Variants in CCDC191 observed in about 807,000 individuals in gnomAD.
CCDC191 encodes the protein coiled-coil domain containing 191, also known as coiled-coil domain-containing protein 191.
A neutral mutation model predicts 114.0 loss-of-function variants in CCDC191; 99 were observed. The ratio of observed to expected loss-of-function variants is 0.87; its 90% CI spans 0.74 to 1.03. CCDC191 has a LOEUF of 1.03. Ranked by LOEUF, CCDC191 falls within the 50% of genes least tolerant of loss-of-function variation. The probability of loss-of-function intolerance (pLI) is 0.00; values close to 1 mark genes in which losing one functional copy is unlikely to be tolerated. For missense variants in CCDC191, 973 were observed against 1,087.0 expected, an observed-to-expected ratio of 0.90 and a Z score of 1.47; for synonymous variants, 351 against 376.0, an observed-to-expected ratio of 0.93 and a Z score of 0.77.
chr3:113,994,476 A>G (rs1490998057), intron 13 of CCDC191, among the ~76,000 whole-genome samples: 1 of 152,152 alleles, frequency 6.6e-6, no homozygotes, highest in Non-Finnish European at 1.5e-5. Context: ...TTGGAATAGA[A>G]TTTGGCAATT....
intron 16 of CCDC191, among the ~76,000 whole-genome samples, chr3:113,965,809 G>C (rs571837612): frequency 1.1e-4 from 16 of 152,166 alleles, no homozygotes; most frequent in Admixed American, 9.8e-4. Context: ...TGGCCAGGCT[G>C]GTCTTGAACT....
chr3:113,967,130 G>A (rs548997043), intron 16 of CCDC191, among the ~76,000 whole-genome samples: 1 of 151,870 alleles, frequency 6.6e-6, no homozygotes, highest in African/African-American at 2.4e-5. Flanking sequence ...AAAGAAAAAG[G>A]CTCCAAGGAA....
At chr3:114,028,738 CAAT>C (rs1398458482) in intron 7 of CCDC191, among the ~76,000 whole-genome samples, 2 of 150,704 alleles carry the variant, frequency 1.3e-5, no homozygotes, top group Non-Finnish European at 3.0e-5. Context: ...TTATCCTTGA[CAAT>C]ATTATTATAA....
intron 9 of CCDC191, 80 bp downstream of exon 9, chr3:114,010,692 A>C: frequency 6.4e-6 from 9 of 1,410,418 alleles, no homozygotes; most frequent in Non-Finnish European, 8.7e-6. Flanking sequence ...AGACAAAGCA[A>C]TCTGACAATG....
intron 7 of CCDC191, among the ~76,000 whole-genome samples, chr3:114,023,694 C>T (rs1286405416): frequency 6.6e-6 from 1 of 152,118 alleles, no homozygotes; most frequent in Non-Finnish European, 1.5e-5. Context: ...ACACCTTATA[C>T]AAAAATTAAT....
chr3:113,978,566 T>C, intron 15 of CCDC191: 1 of 592,902 alleles, frequency 1.7e-6, no homozygotes, highest in East Asian at 2.8e-5. Flanking sequence ...AGTTTCTAAA[T>C]CACTTGAGCA....
At chr3:113,968,108 T>C (rs1196822386) in intron 16 of CCDC191, among the ~76,000 whole-genome samples, 1 of 152,220 alleles carries the variant, frequency 6.6e-6, no homozygotes, top group African/African-American at 2.4e-5. Context: ...CATGCAAATA[T>C]CTCTTGGATG....
At chr3:113,971,534 G>C (rs1235434478) in intron 16 of CCDC191, among the ~76,000 whole-genome samples, 1 of 152,160 alleles carries the variant, frequency 6.6e-6, no homozygotes, top group African/African-American at 2.4e-5. Flanking sequence ...AATCCCACTT[G>C]ATCATGGTGA....
intron 6 of CCDC191, among the ~76,000 whole-genome samples, chr3:114,034,355 T>C (rs992658516): frequency 1.3e-5 from 2 of 152,172 alleles, no homozygotes; most frequent in African/African-American, 2.4e-5. Flanking sequence ...GAGAAGAGTA[T>C]GATAAACTGG....
At chr3:113,970,298 C>T (rs1940667204) in intron 16 of CCDC191, among the ~76,000 whole-genome samples, 1 of 152,052 alleles carries the variant, frequency 6.6e-6, no homozygotes, top group Admixed American at 6.6e-5. Context: ...CATCCGTAAA[C>T]AAGGCTAATT....
At chr3:114,007,431 T>C (rs2075990465) in intron 9 of CCDC191, among the ~76,000 whole-genome samples, 1 of 152,236 alleles carries the variant, frequency 6.6e-6, no homozygotes, top group African/African-American at 2.4e-5. Context: ...TCTGACATGT[T>C]AAACACTTTT....
At chr3:114,002,357 T>C (rs984192051) in intron 12 of CCDC191, 99 bp downstream of exon 12, 11 of 801,240 alleles carry the variant, frequency 1.4e-5, no homozygotes, top group Middle Eastern at 3.0e-4. Context: ...GATGTAACTC[T>C]ATTGTCTCAG....
intron 16 of CCDC191, among the ~76,000 whole-genome samples, chr3:113,967,256 ATC>A (rs1399105662): frequency 6.6e-6 from 1 of 152,104 alleles, no homozygotes; most frequent in African/African-American, 2.4e-5. Flanking sequence ...AGCCATTCAC[ATC>A]TCTCTTTTGG....
chr3:113,998,897 T>C (rs1278174383), intron 13 of CCDC191, among the ~76,000 whole-genome samples: 3 of 152,194 alleles, frequency 2.0e-5, no homozygotes, highest in Non-Finnish European at 2.9e-5. Flanking sequence ...AGAACTCACT[T>C]CACAGCAAAG....
chr3:114,031,251 CACAATGGTCCTT>C (rs976009870), intron 7 of CCDC191, among the ~76,000 whole-genome samples: 2 of 152,176 alleles, frequency 1.3e-5, no homozygotes, highest in South Asian at 2.1e-4. Context: ...TAATCCAGAA[CACAATGGTCCTT>C]ACAACTGTCA....
At chr3:114,010,161 A>C (rs1379946761) in intron 9 of CCDC191, among the ~76,000 whole-genome samples, 2 of 152,160 alleles carry the variant, frequency 1.3e-5, no homozygotes, top group East Asian at 3.8e-4. Context: ...GGAAAAAAAA[A>C]CATGGCCTTC....
intron 7 of CCDC191, among the ~76,000 whole-genome samples, chr3:114,030,097 A>G (rs2076383262): frequency 6.6e-6 from 1 of 152,170 alleles, no homozygotes; most frequent in Admixed American, 6.5e-5. Flanking sequence ...CTTATGTAAA[A>G]TGTTAACATT....
Position 114,010,786 on chromosome 3 carries a change from C to G in CCDC191, c.1399G>C (p.Val467Leu). 1.2e-6 allele frequency: 2 copies of G among 1,609,470 alleles called. No homozygotes were observed. The highest frequency in any genetic ancestry group is 1.1e-5 in the South Asian group (1 of 90,772). Residue 467 changes from valine to leucine, a missense_variant, in exon 9 of 17, where the codon GTA becomes CTA. By Grantham distance (32) the Val-to-Leu change is conservative. Transcript: ENST00000295878. ...EEATAMVGPP[V>L]KNGQETAVPP... ...AAACAACGTACCTGTCCATTTTTTA[C>G]TGGTGGACCCACCATGGCTGTTGCC...
At chr3:114,037,411 AT>A (rs1238925600) in intron 4 of CCDC191, among the ~76,000 whole-genome samples, 2 of 152,068 alleles carry the variant, frequency 1.3e-5, no homozygotes, top group Non-Finnish European at 2.9e-5. Flanking sequence ...TATACACTGT[AT>A]TTTTTCTGAC....
Sources: gnomAD v4.1 joint callset for allele counts (sites outside exome capture counted in the v4.1 genomes callset) on GRCh38, gnomAD v4.1.1 for gene constraint, MANE v1.5 for transcripts, NCBI Gene and HGNC (gene_info 2026-07-23, HGNC 2026-07-21) for gene names.